Variants in NAALADL2 observed in about 807,000 individuals in gnomAD.
The protein encoded by NAALADL2 is inactive N-acetylated-alpha-linked acidic dipeptidase-like protein 2.
NAALADL2 carries 76 observed loss-of-function variants against 87.2 expected under a neutral mutation model. The observed-to-expected ratio is 0.87, with a 90% CI of 0.72 to 1.05. The LOEUF is 1.05. Among genes scored for constraint, NAALADL2 ranks in the 50% least tolerant of loss-of-function variants. NAALADL2 has a pLI of 0.00. For missense variants in NAALADL2, 1,089 were observed against 945.8 expected (o/e 1.15, Z -1.99); for synonymous variants, 354 against 331.0 (o/e 1.07, Z -0.75).
At chr3:174,879,637 A>G (rs1224710989) in intron 1 of NAALADL2, among the ~76,000 whole-genome samples, 1 of 152,114 alleles carries the variant, frequency 6.6e-6, no homozygotes, top group Non-Finnish European at 1.5e-5. Flanking sequence ...TTAAAAATCA[A>G]CATTTATAAC....
chr3:175,172,919 G>A (rs546582602), intron 2 of NAALADL2, among the ~76,000 whole-genome samples: 2 of 152,252 alleles, frequency 1.3e-5, no homozygotes, highest in East Asian at 3.9e-4. Context: ...TCCATTAGGA[G>A]TGTTCAAGCA....
At chr3:175,667,241 A>AAGAAAGAAAGAGAAAG (rs1182682303) in intron 11 of NAALADL2, among the ~76,000 whole-genome samples, 23 of 91,786 alleles carry the variant, frequency 2.5e-4, no homozygotes, top group African/African-American at 1.0e-3. Flanking sequence ...GAAAGAAAGA[A>AAGAAAGAAAGAGAAAG]AAAGAAAGAA....
At chr3:174,601,659 A>G (rs1302834526) in intron 2 of NAALADL2, among the ~76,000 whole-genome samples, 1 of 151,882 alleles carries the variant, frequency 6.6e-6, no homozygotes, top group African/African-American at 2.4e-5. Flanking sequence ...ATGTGATCCC[A>G]TTTGTCCATT....
intron 5 of NAALADL2, among the ~76,000 whole-genome samples, chr3:175,426,251 T>C (rs1049142864): frequency 1.3e-5 from 2 of 152,094 alleles, no homozygotes; most frequent in Non-Finnish European, 2.9e-5. Context: ...TAATCCCAGC[T>C]ACTTGGGAGG....
At chr3:174,962,383 TATATATATATATGTCATAGTGACTATGAC>T (rs1742189188) in intron 1 of NAALADL2, among the ~76,000 whole-genome samples, 2 of 116,912 alleles carry the variant, frequency 1.7e-5, no homozygotes, top group African/African-American at 8.2e-5. Context: ...TATATATATA[TATATATATATATGTCATAGTGACTATGAC>T]ATATATATAT....
chr3:174,632,373 C>T (rs532093499), intron 2 of NAALADL2, among the ~76,000 whole-genome samples: 14 of 152,042 alleles, frequency 9.2e-5, no homozygotes, highest in Non-Finnish European at 1.3e-4. Context: ...CATGCCCTCA[C>T]GTTGATTACA....
chr3:174,836,322 G>A (rs1311150819), intron 3 of NAALADL2, among the ~76,000 whole-genome samples: 1 of 152,108 alleles, frequency 6.6e-6, no homozygotes, highest in Non-Finnish European at 1.5e-5. Context: ...CGTTACTGTA[G>A]GCTGAGGGAA....
chr3:175,720,082 C>T (rs1258564934), intron 11 of NAALADL2, among the ~76,000 whole-genome samples: 2 of 152,166 alleles, frequency 1.3e-5, no homozygotes, highest in Admixed American at 6.5e-5. Flanking sequence ...AGCACCCTCT[C>T]AGCCATTTTT....
At chr3:175,410,899 G>A (rs1713389415) in intron 5 of NAALADL2, among the ~76,000 whole-genome samples, 1 of 152,146 alleles carries the variant, frequency 6.6e-6, no homozygotes, top group Non-Finnish European at 1.5e-5. Context: ...AGGAGAGCAG[G>A]ATGTAAGATA....
chr3:175,060,954 G>C (rs577523821), intron 1 of NAALADL2, among the ~76,000 whole-genome samples: 1 of 152,172 alleles, frequency 6.6e-6, no homozygotes, highest in African/African-American at 2.4e-5. Context: ...GCTGAGGCAG[G>C]AGAATGGCTT....
At chr3:175,402,358 C>G (rs1770666939) in intron 5 of NAALADL2, among the ~76,000 whole-genome samples, 1 of 152,018 alleles carries the variant, frequency 6.6e-6, no homozygotes, top group African/African-American at 2.4e-5. Flanking sequence ...TTGGGCCAAG[C>G]AGACTGATGC....
At chr3:174,932,970 A>C (rs1737144553) in intron 1 of NAALADL2, among the ~76,000 whole-genome samples, 1 of 152,140 alleles carries the variant, frequency 6.6e-6, no homozygotes, top group Non-Finnish European at 1.5e-5. Flanking sequence ...ATGCAAAATT[A>C]GCTGGGTGTG....
At chr3:175,772,428 C>A (rs1749620596) in intron 13 of NAALADL2, among the ~76,000 whole-genome samples, 1 of 152,094 alleles carries the variant, frequency 6.6e-6, no homozygotes, top group South Asian at 2.1e-4. Flanking sequence ...AGAAAAGATG[C>A]TTCTATCTAC....
At chr3:175,336,923 A>C (rs2148822328) in intron 5 of NAALADL2, among the ~76,000 whole-genome samples, 1 of 152,268 alleles carries the variant, frequency 6.6e-6, no homozygotes, top group African/African-American at 2.4e-5. Flanking sequence ...AAAATGATAA[A>C]GTGACAGTTT....
intron 11 of NAALADL2, among the ~76,000 whole-genome samples, chr3:175,727,906 T>C (rs1400792313): frequency 6.6e-6 from 1 of 152,134 alleles, no homozygotes; most frequent in Non-Finnish European, 1.5e-5. Flanking sequence ...TGAAACTCTC[T>C]TGGGGCTGTC....
At chr3:174,717,838 C>G (rs993781187) in intron 2 of NAALADL2, among the ~76,000 whole-genome samples, 3 of 152,118 alleles carry the variant, frequency 2.0e-5, no homozygotes, top group African/African-American at 7.2e-5. Flanking sequence ...AAGAAGTTTC[C>G]TCCTTGGCCG....
intron 8 of NAALADL2, among the ~76,000 whole-genome samples, chr3:175,471,089 GC>G (rs1724793425): frequency 6.6e-6 from 1 of 151,998 alleles, no homozygotes; most frequent in South Asian, 2.1e-4. Flanking sequence ...TCAGGAACAT[GC>G]TTTAATATAT....
intron 1 of NAALADL2, among the ~76,000 whole-genome samples, chr3:175,095,332 T>G (rs1293085676): frequency 6.6e-6 from 1 of 152,092 alleles, no homozygotes; most frequent in African/African-American, 2.4e-5. Flanking sequence ...CTTTTTTGTT[T>G]GTTTGTCCAT....
intron 1 of NAALADL2, among the ~76,000 whole-genome samples, chr3:174,882,678 T>TATACAC (rs1560319044): frequency 4.1e-5 from 5 of 121,608 alleles, no homozygotes; most frequent in African/African-American, 1.4e-4. Context: ...CACATATGTG[T>TATACAC]ATATGTGTAT....
Sources: gnomAD v4.1 joint callset for allele counts (sites outside exome capture counted in the v4.1 genomes callset) on GRCh38, gnomAD v4.1.1 for gene constraint, MANE v1.5 for transcripts, NCBI Gene and HGNC (gene_info 2026-07-23, HGNC 2026-07-21) for gene names.